The following CAPSL variants were observed in gnomAD, a reference collection of about 807,000 sequenced individuals.
CAPSL encodes the protein calcyphosin-like protein.
A neutral mutation model predicts 21.3 loss-of-function variants in CAPSL; 17 were observed. That is an observed-to-expected ratio of 0.80 (90% CI 0.55 to 1.20). CAPSL has a LOEUF of 1.20. CAPSL is among the 50% of genes most tolerant of loss of function. The probability of loss-of-function intolerance (pLI) is 0.00; values close to 1 mark genes in which losing one functional copy is unlikely to be tolerated. For synonymous variants in CAPSL, 102 were observed against 89.3 expected, an observed-to-expected ratio of 1.14 and a Z score of -0.80; for missense variants, 289 against 259.3, an observed-to-expected ratio of 1.11 and a Z score of -0.79.
chr5:35,919,516 T>C (rs4024109), intron 2 of CAPSL, among the ~76,000 whole-genome samples: 65,661 of 152,000 alleles, frequency 0.43, 14,869 homozygotes, highest in African/African-American at 0.54. Context: ...CGGGAGTCAA[T>C]GCTTCACAGA....
rs377258407 is a variant in CAPSL, at chr5:35,935,187, G to T, written c.-1+3354C>A. Among the ~76,000 whole-genome samples, 15 of 152,180 alleles carry T rather than the reference G, an allele frequency of 9.9e-5. 2 individuals are homozygous for T. Among genetic ancestry groups the T allele is most frequent in the East Asian group, 3.9e-4 (2 of 5,162 alleles). ...ATTTCAAGTGGTGTCATCAATCTGG[G>T]AAAACCCAGAGCTCATCTAGACAAT... is the stretch of plus-strand genomic sequence containing the variant. On this transcript the variant is annotated intron_variant, in intron 1 of 4. Coordinates refer to ENST00000651391, the MANE Select transcript of CAPSL (RefSeq NM_001042625.2).
At chr5:35,919,365 C>T (rs912537543) in intron 2 of CAPSL, among the ~76,000 whole-genome samples, 5 of 151,800 alleles carry the variant, frequency 3.3e-5, no homozygotes, top group Non-Finnish European at 7.4e-5. Flanking sequence ...ATTTACAAGG[C>T]AATTGGAAAT....
chr5:35,919,160 T>TTAAAAAAA (rs139738118), intron 2 of CAPSL, among the ~76,000 whole-genome samples: 9,660 of 128,310 alleles, frequency 0.075, 636 homozygotes, highest in Non-Finnish European at 0.11. Context: ...CTTTCCTGAT[T>TTAAAAAAA]AAAAAAAAAA....
chr5:35,914,409 C>A (rs191219197), intron 2 of CAPSL, among the ~76,000 whole-genome samples: 200 of 151,888 alleles, frequency 1.3e-3, no homozygotes, highest in African/African-American at 4.7e-3. Flanking sequence ...AATATACATT[C>A]TTTTCAGCAC....
intron 3 of CAPSL, 143 bp from the exon 4 acceptor site, chr5:35,910,218 CA>C: frequency 9.1e-7 from 1 of 1,102,172 alleles, no homozygotes. Flanking sequence ...ACAATTGCTC[CA>C]AAAATTCCTA....
intron 1 of CAPSL, among the ~76,000 whole-genome samples, chr5:35,922,788 A>G (rs753505263): frequency 6.6e-6 from 1 of 152,178 alleles, no homozygotes; most frequent in Non-Finnish European, 1.5e-5. Context: ...CCTGACCTCA[A>G]GCTGACAATT....
intron 2 of CAPSL, among the ~76,000 whole-genome samples, chr5:35,916,602 A>G (rs1006481638): frequency 2.0e-5 from 3 of 152,216 alleles, no homozygotes; most frequent in African/African-American, 7.2e-5. Flanking sequence ...TGACAAAAAC[A>G]AGTAATGGGG....
At chr5:35,917,051 C>T (rs935060210) in intron 2 of CAPSL, among the ~76,000 whole-genome samples, 1 of 152,100 alleles carries the variant, frequency 6.6e-6, no homozygotes, top group Admixed American at 6.5e-5. Context: ...AAAAAGTGGG[C>T]AAAGGATATG....
chr5:35,919,170 A>AATATATATAT (rs1554069749), intron 2 of CAPSL, among the ~76,000 whole-genome samples: 2 of 121,274 alleles, frequency 1.6e-5, no homozygotes, highest in Non-Finnish European at 3.6e-5. Flanking sequence ...TAAAAAAAAA[A>AATATATATAT]ATATATATAT....
At chr5:35,927,219 G>A (rs7726969) in intron 1 of CAPSL, among the ~76,000 whole-genome samples, 29,520 of 152,088 alleles carry the variant, frequency 0.19, 2,952 homozygotes, top group Non-Finnish European at 0.21. Context: ...TGCAGGTCCA[G>A]CCTTGTGACA....
chr5:35,934,580 G>C (rs1442021936), intron 1 of CAPSL, among the ~76,000 whole-genome samples: 2 of 152,178 alleles, frequency 1.3e-5, no homozygotes, highest in African/African-American at 4.8e-5. Context: ...ATAGAGGCTG[G>C]AGTATTTATT....
intron 4 of CAPSL, 25 bp from the exon 5 acceptor site, chr5:35,904,671 A>G (rs1228669822): frequency 6.2e-7 from 1 of 1,610,044 alleles, no homozygotes; most frequent in Non-Finnish European, 8.5e-7. Context: ...TTAGAAACAA[A>G]AACGAAACTT....
At chr5:35,924,577 C>T (rs987933964) in intron 1 of CAPSL, among the ~76,000 whole-genome samples, 36 of 152,300 alleles carry the variant, frequency 2.4e-4, no homozygotes, top group African/African-American at 8.7e-4. Flanking sequence ...AGTCCATTCT[C>T]TCCTGCTAGC....
rs560300537 is a variant in CAPSL at position 35,910,230 on chromosome 5, A to G, written c.315+136T>C. On this transcript the variant is annotated intron_variant, in intron 3 of 4. Coordinates refer to ENST00000651391, the MANE Select transcript of CAPSL (RefSeq NM_001042625.2). Reference sequence around the variant, plus strand: ...ACTACAATTGCTCCAAAAATTCCTAAGTCTGTTCACAGTTTTCTGCTTATC... The same window carrying G: ...ACTACAATTGCTCCAAAAATTCCTAGGTCTGTTCACAGTTTTCTGCTTATC... 1.7e-5 allele frequency: 19 copies of G among 1,142,010 alleles called. No individual in the cohort carries two copies. In the South Asian group the frequency reaches 2.5e-4, roughly 15 times the overall value. 70.7% of individuals were successfully genotyped at this position (1,142,010 alleles called of 1,614,324 possible).
intron 2 of CAPSL, among the ~76,000 whole-genome samples, chr5:35,916,190 A>T (rs1738380039): frequency 6.6e-6 from 1 of 151,748 alleles, no homozygotes; most frequent in South Asian, 2.1e-4. Context: ...AGAACTACAA[A>T]CCACTGCTCA....
At chr5:35,913,119 T>A (rs1457706312) in intron 2 of CAPSL, among the ~76,000 whole-genome samples, 2 of 152,084 alleles carry the variant, frequency 1.3e-5, no homozygotes, top group African/African-American at 4.8e-5. Flanking sequence ...TGATGGAAGA[T>A]CAAATGAATG....
chr5:35,934,233 C>T (rs1738889070), intron 1 of CAPSL, among the ~76,000 whole-genome samples: 1 of 152,232 alleles, frequency 6.6e-6, no homozygotes, highest in African/African-American at 2.4e-5. Context: ...AACACTCCCA[C>T]TCCTTGCTCT....
chr5:35,912,034 T>C (rs947852727), intron 2 of CAPSL, among the ~76,000 whole-genome samples: 97 of 152,192 alleles, frequency 6.4e-4, no homozygotes, highest in African/African-American at 2.2e-3. Flanking sequence ...TTTCCAACAG[T>C]CTTAGCAAAC....
intron 1 of CAPSL, among the ~76,000 whole-genome samples, chr5:35,927,406 T>G (rs1242752765): frequency 6.6e-6 from 1 of 152,130 alleles, no homozygotes; most frequent in Non-Finnish European, 1.5e-5. Flanking sequence ...GAACCTGGGG[T>G]TGCTATAATG....
Sources: allele counts gnomAD v4.1 joint callset (sites outside exome capture counted in the v4.1 genomes callset), GRCh38; gene constraint gnomAD v4.1.1; transcripts MANE v1.5; gene names NCBI Gene and HGNC (gene_info 2026-07-23, HGNC 2026-07-21).